The following MIR2052HG variants were observed in gnomAD, a reference collection of about 807,000 sequenced individuals.
MIR2052HG encodes MIR2052 host gene.
intron 1 of MIR2052HG, among the ~76,000 whole-genome samples, chr8:74,602,876 T>TCTTTCTTTCCTTTCTTTCTTTCTTTC (rs1554570015): frequency 2.2e-5 from 3 of 137,182 alleles, no homozygotes; most frequent in South Asian, 2.3e-4. Context: ...TTTCTTTCTT[T>TCTTTCTTTCCTTTCTTTCTTTCTTTC]TTTCTATTCA....
chr8:74,692,599 T>C (rs1430914997), intron 2 of MIR2052HG, among the ~76,000 whole-genome samples: 1 of 152,218 alleles, frequency 6.6e-6, no homozygotes, highest in Non-Finnish European at 1.5e-5. Context: ...TTTGGTACAT[T>C]TTCCCAGGCC....
chr8:74,710,166 A>G (rs1407910933), intron 4 of MIR2052HG, among the ~76,000 whole-genome samples: 1 of 152,150 alleles, frequency 6.6e-6, no homozygotes, highest in Non-Finnish European at 1.5e-5. Context: ...TGAACTTTAG[A>G]AAATCCTCTG....
chr8:74,621,350 A>T (rs1199227418), intron 2 of MIR2052HG, among the ~76,000 whole-genome samples: 2 of 151,712 alleles, frequency 1.3e-5, no homozygotes, highest in Non-Finnish European at 2.9e-5. Context: ...TTATAGCAGC[A>T]CTCCACTCTC....
At chr8:74,636,545 T>C (rs1426531441) in intron 2 of MIR2052HG, among the ~76,000 whole-genome samples, 1 of 152,164 alleles carries the variant, frequency 6.6e-6, no homozygotes, top group Non-Finnish European at 1.5e-5. Context: ...TTTAAAAAGA[T>C]CTTCAAATTT....
At chr8:74,650,289 G>A (rs1808738188) in intron 2 of MIR2052HG, among the ~76,000 whole-genome samples, 1 of 152,068 alleles carries the variant, frequency 6.6e-6, no homozygotes, top group Non-Finnish European at 1.5e-5. Flanking sequence ...TATACAGTAT[G>A]TAGTCTTTTG....
rs191607498 is a variant in MIR2052HG at position 74,716,580 on chromosome 8, C to T, written n.371+12898C>T. 3.1e-3 allele frequency among the ~76,000 whole-genome samples: 478 copies of T among 152,000 alleles called. 2 individuals are homozygous for T. Among genetic ancestry groups the T allele is most frequent in the African/African-American group, 9.9e-3 (412 of 41,422 alleles). On this transcript the variant is annotated intron_variant and non_coding_transcript_variant, in intron 4 of 6. Transcript: ENST00000523442. The stretch of plus-strand genomic sequence containing the variant: ...CAAAAATTAGCTGGGTGTGGTGGTG[C>T]GCACCTGTAATCCCAGCTACTCAGG...
intron 2 of MIR2052HG, among the ~76,000 whole-genome samples, chr8:74,670,697 T>C (rs1333046394): frequency 2.0e-5 from 3 of 152,004 alleles, no homozygotes; most frequent in Non-Finnish European, 2.9e-5. Flanking sequence ...TTTCAGGAAG[T>C]TGGTATATGG....
chr8:74,651,432 A>G (rs1032129386), intron 2 of MIR2052HG, among the ~76,000 whole-genome samples: 3 of 152,176 alleles, frequency 2.0e-5, no homozygotes, highest in Non-Finnish European at 4.4e-5. Context: ...GTATGAATAT[A>G]TGATTTTGGA....
chr8:74,603,464 C>T lies in MIR2052HG; in HGVS notation n.128+3556C>T, dbSNP rs145433825. 17 of 1,603,648 alleles carry T rather than the reference C, an allele frequency of 1.1e-5. No individual in the cohort carries two copies. In the East Asian group the frequency reaches 1.8e-4, roughly 17 times the overall value. On this transcript the variant is annotated intron_variant and non_coding_transcript_variant, in intron 1 of 6. Coordinates refer to ENST00000523442, the Ensembl canonical transcript of MIR2052HG. Reference sequence around the variant, plus strand: ...ATCTGACGGATCTCATTTATTTTGGCGCCTTGACGCCCGATTATGCAGCCA... The same window carrying T: ...ATCTGACGGATCTCATTTATTTTGGTGCCTTGACGCCCGATTATGCAGCCA...
chr8:74,728,562 A>G (rs1380555735), intron 4 of MIR2052HG, among the ~76,000 whole-genome samples: 1 of 152,176 alleles, frequency 6.6e-6, no homozygotes, highest in East Asian at 1.9e-4. Context: ...ATAGACCACT[A>G]TATACACAAT....
chr8:74,645,947 T>A (rs1202284428), intron 2 of MIR2052HG, among the ~76,000 whole-genome samples: 1 of 152,218 alleles, frequency 6.6e-6, no homozygotes, highest in South Asian at 2.1e-4. Context: ...CTGATATTTT[T>A]TTCATCAATG....
chr8:74,679,098 T>C (rs184026015), intron 2 of MIR2052HG, among the ~76,000 whole-genome samples: 1 of 152,292 alleles, frequency 6.6e-6, no homozygotes, highest in African/African-American at 2.4e-5. Context: ...TTTTTCAAAA[T>C]TGTATTTTAT....
intron 2 of MIR2052HG, among the ~76,000 whole-genome samples, chr8:74,664,976 A>G (rs1350069739): frequency 6.6e-6 from 1 of 152,192 alleles, no homozygotes; most frequent in Non-Finnish European, 1.5e-5. Flanking sequence ...GGTTTTCTCA[A>G]GAAATCAAAT....
At chr8:74,674,857 G>A (rs143242923) in intron 2 of MIR2052HG, among the ~76,000 whole-genome samples, 8 of 151,688 alleles carry the variant, frequency 5.3e-5, no homozygotes, top group East Asian at 1.9e-4. Flanking sequence ...TATACTATAC[G>A]TTACTATACT....
intron 1 of MIR2052HG, chr8:74,603,231 A>C: frequency 7.9e-7 from 1 of 1,271,980 alleles, no homozygotes; most frequent in South Asian, 1.2e-5. Context: ...AACTACACAG[A>C]TGGATCATGG....
chr8:74,702,323 G>C, intron 2 of MIR2052HG: 1 of 377,570 alleles, frequency 2.6e-6, no homozygotes, highest in South Asian at 1.9e-5. Context: ...GATATCAAAA[G>C]ATACAATGAC....
chr8:74,717,735 G>A (rs903290023), intron 4 of MIR2052HG, among the ~76,000 whole-genome samples: 2 of 151,600 alleles, frequency 1.3e-5, no homozygotes, highest in African/African-American at 2.4e-5. Context: ...CTGAGCCCAG[G>A]AGTTCAAGGT....
intron 4 of MIR2052HG, among the ~76,000 whole-genome samples, chr8:74,741,022 G>A (rs1167966782): frequency 2.6e-5 from 4 of 152,140 alleles, no homozygotes; most frequent in Admixed American, 2.6e-4. Flanking sequence ...TGGAAATACT[G>A]AGTTAGGCTC....
intron 4 of MIR2052HG, among the ~76,000 whole-genome samples, chr8:74,740,765 C>T (rs2128755696): frequency 6.6e-6 from 1 of 152,258 alleles, no homozygotes; most frequent in East Asian, 1.9e-4. Context: ...GAAAAATCGT[C>T]TTATTGCTTT....
Sources: allele counts gnomAD v4.1 joint callset (sites outside exome capture counted in the v4.1 genomes callset), GRCh38; gene constraint gnomAD v4.1.1; transcripts MANE v1.5; gene names NCBI Gene and HGNC (gene_info 2026-07-23, HGNC 2026-07-21).